Variants in RBFOX1 observed in about 807,000 individuals in gnomAD.
RBFOX1 encodes RNA binding protein fox-1 homolog 1.
A neutral mutation model predicts 57.7 loss-of-function variants in RBFOX1; 8 were observed. That is an observed-to-expected ratio of 0.14 (90% confidence interval 0.08 to 0.25). The LOEUF (loss-of-function observed/expected upper bound fraction) is 0.25, where lower values mean the gene tolerates loss of function less well. RBFOX1 is among the 10% of genes least tolerant of loss of function. The pLI is 1.00. For missense variants in RBFOX1, 611 were observed against 548.5 expected (o/e 1.11, Z -1.14); for synonymous variants, 326 against 222.4 (o/e 1.47, Z -4.15).
At position 5,522,069 on chromosome 16, in the gene RBFOX1, A is replaced by C. The variant is rs1049959185; in HGVS notation, c.258+54815A>C. On this transcript the variant is annotated intron_variant, in intron 2 of 2. Transcript: ENST00000585867. ...GGTTCTGGAAATGTTTCTTGAGTGA[A>C]TATGTGACCACATGCTGGAGGCAGC... Among the ~76,000 whole-genome samples the C allele has an allele frequency of 3.3e-5, 5 of 152,248 alleles. No individual in the cohort carries two copies. The South Asian group carries it at 1.0e-3, about 31-fold the overall frequency.
chr16:5,284,248 C>G (rs1398050856), intron 1 of RBFOX1, among the ~76,000 whole-genome samples: 2 of 152,158 alleles, frequency 1.3e-5, no homozygotes, highest in African/African-American at 2.4e-5. Context: ...TGCCCAGTCT[C>G]AGTCAGGTAT....
At chr16:7,608,134 G>C (rs1596407124) in intron 10 of RBFOX1, among the ~76,000 whole-genome samples, 1 of 152,152 alleles carries the variant, frequency 6.6e-6, no homozygotes, top group South Asian at 2.1e-4. Flanking sequence ...GTCTTTCTTT[G>C]ATGTGGCTCT....
chr16:6,705,425 C>T (rs2062561377), intron 3 of RBFOX1: 1 of 152,152 alleles, frequency 6.6e-6, no homozygotes, highest in African/African-American at 2.4e-5. Context: ...TACAGACATA[C>T]ATACATCCCT....
intron 1 of RBFOX1, among the ~76,000 whole-genome samples, chr16:5,328,711 A>G (rs1466952705): frequency 6.6e-6 from 1 of 152,148 alleles, no homozygotes; most frequent in East Asian, 1.9e-4. Flanking sequence ...CTGCCAGTGG[A>G]CCATTTAAGC....
At chr16:6,184,949 G>A (rs779776857) in intron 1 of RBFOX1, among the ~76,000 whole-genome samples, 2 of 152,178 alleles carry the variant, frequency 1.3e-5, no homozygotes, top group Non-Finnish European at 2.9e-5. Context: ...GCTGTTCAGG[G>A]AAAGAGAGAG....
intron 4 of RBFOX1, among the ~76,000 whole-genome samples, chr16:7,178,926 G>A (rs17670363): frequency 0.21 from 31,821 of 151,966 alleles, 3,966 homozygotes; most frequent in East Asian, 0.39. Context: ...GTAAATAATA[G>A]TGAAGTCTCT....
intron 3 of RBFOX1, among the ~76,000 whole-genome samples, chr16:6,876,339 A>T (rs906077773): frequency 1.3e-5 from 2 of 152,296 alleles, no homozygotes; most frequent in South Asian, 4.1e-4. Context: ...CTTGTTGACT[A>T]TTCCACCATC....
At chr16:5,431,549 A>G (rs1364555793) in intron 1 of RBFOX1, among the ~76,000 whole-genome samples, 1 of 151,650 alleles carries the variant, frequency 6.6e-6, no homozygotes, top group Non-Finnish European at 1.5e-5. Flanking sequence ...TAGTTGTTGT[A>G]TTTTTACTAG....
intron 3 of RBFOX1, among the ~76,000 whole-genome samples, chr16:5,668,792 C>G (rs375953700): frequency 1.3e-5 from 2 of 152,142 alleles, no homozygotes; most frequent in Non-Finnish European, 2.9e-5. Context: ...TCACCATTAT[C>G]TCGGAAATGC....
At chr16:7,517,759 C>G (rs972261331) in intron 4 of RBFOX1, among the ~76,000 whole-genome samples, 5 of 151,260 alleles carry the variant, frequency 3.3e-5, no homozygotes, top group Admixed American at 6.6e-5. Flanking sequence ...CAAGGTTCTG[C>G]TGTCACTGCA....
intron 14 of RBFOX1, among the ~76,000 whole-genome samples, chr16:7,703,624 C>A (rs922125811): frequency 1.3e-5 from 2 of 152,120 alleles, no homozygotes; most frequent in East Asian, 3.9e-4. Flanking sequence ...CAACATGGGC[C>A]CATTGTATCT....
intron 1 of RBFOX1, among the ~76,000 whole-genome samples, chr16:6,064,098 G>A (rs949105924): frequency 6.6e-6 from 1 of 151,954 alleles, no homozygotes; most frequent in Non-Finnish European, 1.5e-5. Flanking sequence ...CTTTTGGTCA[G>A]TACTACCAAT....
intron 4 of RBFOX1, among the ~76,000 whole-genome samples, chr16:7,216,320 A>G (rs1010099709): frequency 7.3e-6 from 1 of 137,168 alleles, no homozygotes; most frequent in Non-Finnish European, 1.6e-5. Flanking sequence ...TGACTTGTCT[A>G]AGCCACTGTT....
At chr16:7,014,856 C>T (rs1030102104) in intron 3 of RBFOX1, among the ~76,000 whole-genome samples, 5 of 152,094 alleles carry the variant, frequency 3.3e-5, no homozygotes, top group African/African-American at 1.2e-4. Context: ...TCCTGAGTAG[C>T]TGAGATTACA....
At chr16:5,638,739 A>G (rs1466801674) in intron 3 of RBFOX1, among the ~76,000 whole-genome samples, 1 of 152,200 alleles carries the variant, frequency 6.6e-6, no homozygotes, top group African/African-American at 2.4e-5. Flanking sequence ...TCTCTACATC[A>G]TAGAGCTTGA....
At chr16:6,238,804 C>G (rs2097524823) in intron 1 of RBFOX1, among the ~76,000 whole-genome samples, 1 of 152,080 alleles carries the variant, frequency 6.6e-6, no homozygotes, top group Non-Finnish European at 1.5e-5. Flanking sequence ...TTATGGGGTA[C>G]ATGAGATGTT....
intron 3 of RBFOX1, among the ~76,000 whole-genome samples, chr16:6,883,542 A>G (rs1182104078): frequency 6.6e-6 from 1 of 152,258 alleles, no homozygotes; most frequent in Non-Finnish European, 1.5e-5. Context: ...CCTAAACGGC[A>G]CACTGCCATA....
At chr16:5,305,694 T>C (rs1485873157) in intron 1 of RBFOX1, among the ~76,000 whole-genome samples, 2 of 152,262 alleles carry the variant, frequency 1.3e-5, no homozygotes, top group Non-Finnish European at 2.9e-5. Flanking sequence ...GTGGCACACA[T>C]GCAGATGGAC....
At chr16:6,760,696 T>C (rs1227776998) in intron 3 of RBFOX1, among the ~76,000 whole-genome samples, 1 of 152,186 alleles carries the variant, frequency 6.6e-6, no homozygotes, top group African/African-American at 2.4e-5. Flanking sequence ...GCAAGGTTTG[T>C]ATTTAGGTTA....
Sources: gnomAD v4.1 joint callset for allele counts (sites outside exome capture counted in the v4.1 genomes callset) on GRCh38, gnomAD v4.1.1 for gene constraint, MANE v1.5 for transcripts, NCBI Gene and HGNC (gene_info 2026-07-23, HGNC 2026-07-21) for gene names.